PRRC1: variants seen among roughly 807,000 people sequenced by gnomAD.
PRRC1 encodes the protein proline rich coiled-coil 1.
In PRRC1, 39 loss-of-function variants were observed where a neutral mutation model predicts 40.7. The ratio of observed to expected loss-of-function variants is 0.96; its 90% confidence interval spans 0.74 to 1.25. The LOEUF (loss-of-function observed/expected upper bound fraction) is 1.25, where lower values mean the gene tolerates loss of function less well. Among genes scored for constraint, PRRC1 ranks in the 50% most tolerant of loss-of-function variants. The pLI, the probability that PRRC1 is intolerant of heterozygous loss-of-function variation, is 0.00. For synonymous variants in PRRC1, 175 were observed against 193.3 expected, an observed-to-expected ratio of 0.91 and a Z score of 0.79; for missense variants, 573 against 548.3, an observed-to-expected ratio of 1.05 and a Z score of -0.45.
rs747698715 is a variant in PRRC1, at chr5:127,551,950, C to T, written c.*34C>T. On this transcript the variant is annotated 3_prime_UTR_variant, in exon 9 of 9. Transcript: ENST00000296666. ...CTACCTGGGAGACTGAGACTTTCCC[C>T]CACTTTTAGCTTGATGTTAAAGAAG... 26 of 1,612,176 alleles carry T rather than the reference C, an allele frequency of 1.6e-5. No homozygotes were observed. The highest frequency in any genetic ancestry group is 2.1e-5 in the Non-Finnish European group (25 of 1,178,972).
At position 127,525,788 on chromosome 5, in the gene PRRC1, A is replaced by G. The variant is rs115099809; in HGVS notation, c.494-830A>G. Among the ~76,000 whole-genome samples the G allele has an allele frequency of 9.5e-3, 1,440 of 152,318 alleles. 23 individuals are homozygous for G. Among genetic ancestry groups the G allele is most frequent in the African/African-American group, 0.033 (1,369 of 41,562 alleles). On this transcript the variant is annotated intron_variant, in intron 3 of 8. Coordinates refer to ENST00000296666, the MANE Select transcript of PRRC1 (RefSeq NM_130809.5). The stretch of plus-strand genomic sequence containing the variant: ...ATATACAACTCAGTAGATGATTAGT[A>G]TATGGGATGTCAGAAAATTCCAAAA...
rs555226830 is a variant in PRRC1 at position 127,533,546 on chromosome 5, T to C, written c.758-77T>C. 32 of 1,186,986 alleles carry C rather than the reference T, an allele frequency of 2.7e-5. No individual in the cohort carries two copies. In the South Asian group the frequency reaches 2.7e-4, roughly 10 times the overall value. The allele number at this position is 1,186,986 out of a possible 1,614,324, so 73.5% of individuals were successfully genotyped here. The stretch of plus-strand genomic sequence containing the variant: ...GGTAATAATTATGTATATTAGATGT[T>C]AGCACCTGGTATGGTAGTAATTATG... On this transcript the variant is annotated intron_variant, in intron 5 of 8. Coordinates refer to ENST00000296666, the MANE Select transcript of PRRC1 (RefSeq NM_130809.5).
rs1008101381 is a variant in PRRC1, at chr5:127,553,428, G to A, written c.*1512G>A. The A allele has an allele frequency of 2.2e-5, 24 of 1,093,472 alleles. No individual in the cohort carries two copies. The African/African-American group carries it at 3.8e-4, about 17-fold the overall frequency. 67.7% of individuals were successfully genotyped at this position (1,093,472 alleles called of 1,614,324 possible). ...AAAGTCATGAGAGACAGCACAGAGA[G>A]GTTATAGGTTGCCTTGGTGTACTTT... On this transcript the variant is annotated 3_prime_UTR_variant, in exon 9 of 9. Transcript: ENST00000296666.
In PRRC1 at chr5:127,554,335, T is replaced by C. The variant is rs1446956471; in HGVS notation, c.*2419T>C. 1 of 152,740 alleles carries C rather than the reference T, an allele frequency of 6.5e-6. No homozygotes were observed. Among genetic ancestry groups the C allele is most frequent in the Non-Finnish European group, 1.5e-5 (1 of 68,434 alleles). The allele number at this position is 152,740 out of a possible 1,614,324, so 9.5% of individuals were successfully genotyped here. A position where few individuals can be genotyped will look rare whatever the true frequency, so the allele number is the denominator to read the frequency against. ...CCTCTGTCTTAGGAAAAGCCATCTTTAATATAGTTCTTCACCACTGTTGGG... is the reference window on the plus strand; with the variant it reads ...CCTCTGTCTTAGGAAAAGCCATCTTCAATATAGTTCTTCACCACTGTTGGG... On this transcript the variant is annotated 3_prime_UTR_variant, in exon 9 of 9. Transcript: ENST00000296666.
At chr5:127,540,443 G>T (rs1239680071) in intron 7 of PRRC1, among the ~76,000 whole-genome samples, 3 of 152,032 alleles carry the variant, frequency 2.0e-5, no homozygotes, top group Admixed American at 2.0e-4. Flanking sequence ...GTTCTTTGCA[G>T]TCAGTATTTG....
chr5:127,527,887 C>T (rs1015742492), intron 4 of PRRC1, among the ~76,000 whole-genome samples: 3 of 151,762 alleles, frequency 2.0e-5, no homozygotes, highest in African/African-American at 7.3e-5. Flanking sequence ...GAAATTGATA[C>T]CTATTCCACT....
At chr5:127,532,496 G>A (rs1767802825) in intron 5 of PRRC1, among the ~76,000 whole-genome samples, 1 of 152,104 alleles carries the variant, frequency 6.6e-6, no homozygotes, top group Admixed American at 6.5e-5. Flanking sequence ...ATTAGAAATG[G>A]CAGGACTACT....
At position 127,530,277 on chromosome 5, in the gene PRRC1, T is replaced by C; in HGVS notation, c.655-17T>C. ...TCACTTAGAGTGAATACTTACATAT[T>C]GATTTGTTTTATGCAGGGTGTGGCT... On this transcript the variant is annotated splice_polypyrimidine_tract_variant and intron_variant, in intron 4 of 8. Coordinates refer to ENST00000296666, the MANE Select transcript of PRRC1 (RefSeq NM_130809.5). 1 of 1,604,300 alleles carries C rather than the reference T, an allele frequency of 6.2e-7. No individual in the cohort carries two copies. Among genetic ancestry groups the C allele is most frequent in the Non-Finnish European group, 8.5e-7 (1 of 1,172,948 alleles).
Position 127,547,818 on chromosome 5 carries a change from G to T in PRRC1, c.1026-1G>T. ...ATTTGAAACTCGTAATTCTGTTGCA[G>T]ATGGTTTGACATTGGTTGTTTGGTG... On this transcript the variant is annotated splice_acceptor_variant, in intron 7 of 8. Transcript: ENST00000296666. LOFTEE classifies it high-confidence loss of function. The T allele has an allele frequency of 4.4e-6, 7 of 1,607,072 alleles. No individual in the cohort carries two copies. Among genetic ancestry groups the T allele is most frequent in the Non-Finnish European group, 6.0e-6 (7 of 1,175,018 alleles).
intron 7 of PRRC1, among the ~76,000 whole-genome samples, chr5:127,544,790 T>C (rs1245297985): frequency 6.6e-6 from 1 of 152,160 alleles, no homozygotes; most frequent in African/African-American, 2.4e-5. Flanking sequence ...TGTCACCCCT[T>C]TCTTTGACTA....
intron 4 of PRRC1, among the ~76,000 whole-genome samples, chr5:127,528,361 C>T (rs1767681266): frequency 6.6e-6 from 1 of 152,104 alleles, no homozygotes; most frequent in Admixed American, 6.5e-5. Flanking sequence ...GTCGCCCAGG[C>T]TGGAGTGCAG....
intron 5 of PRRC1, among the ~76,000 whole-genome samples, chr5:127,532,212 G>A (rs1292493575): frequency 6.6e-6 from 1 of 151,356 alleles, no homozygotes; most frequent in East Asian, 2.0e-4. Flanking sequence ...GAGTTCAAGC[G>A]ATTCTCCTAC....
chr5:127,525,257 C>A (rs759109643), intron 3 of PRRC1, among the ~76,000 whole-genome samples: 2 of 152,154 alleles, frequency 1.3e-5, no homozygotes, highest in Non-Finnish European at 2.9e-5. Context: ...AATACGTGGT[C>A]TTTTGTGACT....
chr5:127,523,606 C>G, intron 2 of PRRC1, 24 bp downstream of exon 2: 1 of 1,448,870 alleles, frequency 6.9e-7, no homozygotes, highest in East Asian at 2.3e-5. Flanking sequence ...TCTAACATCT[C>G]GTGTGTTTTG....
intron 1 of PRRC1, 40 bp from the exon 2 acceptor site, chr5:127,523,420 G>C: frequency 2.1e-6 from 2 of 938,128 alleles, no homozygotes; most frequent in Admixed American, 2.9e-5. Context: ...TATACTTTTG[G>C]TTACTGTGTA....
chr5:127,530,746 CTTT>C (rs34749591), intron 5 of PRRC1, among the ~76,000 whole-genome samples: 1 of 142,246 alleles, frequency 7.0e-6, no homozygotes. Flanking sequence ...TTGTTTCATA[CTTT>C]TTTTTTTTTT....
chr5:127,539,212 C>T, intron 7 of PRRC1, 69 bp downstream of exon 7: 1 of 1,101,846 alleles, frequency 9.1e-7, no homozygotes, highest in South Asian at 1.3e-5. Flanking sequence ...GAATACTTAG[C>T]AAAAAGTGTC....
rs768615006 is a variant in PRRC1, at chr5:127,554,640, G to A, written c.*2724G>A. 17 of 152,344 alleles carry A rather than the reference G, an allele frequency of 1.1e-4. No individual in the cohort carries two copies. The highest frequency in any genetic ancestry group is 3.8e-4 in the East Asian group (2 of 5,200). The allele number at this position is 152,344 out of a possible 1,614,324, so 9.4% of individuals were successfully genotyped here. On this transcript the variant is annotated 3_prime_UTR_variant, in exon 9 of 9. Transcript: ENST00000296666. ...TTTAGGCAGTGCTAGTAATTTCCTC[G>A]TAATGATTCTGTTATTACTTTCCTA... is the stretch of plus-strand genomic sequence containing the variant.
At chr5:127,541,076 G>A (rs1430421132) in intron 7 of PRRC1, among the ~76,000 whole-genome samples, 1 of 152,130 alleles carries the variant, frequency 6.6e-6, no homozygotes, top group African/African-American at 2.4e-5. Context: ...AAAGTTTTTA[G>A]CATGAAGAGT....
Sources: allele counts gnomAD v4.1 joint callset (sites outside exome capture counted in the v4.1 genomes callset), GRCh38; gene constraint gnomAD v4.1.1; transcripts MANE v1.5; gene names NCBI Gene and HGNC (gene_info 2026-07-23, HGNC 2026-07-21).